Variants in HID1 observed in about 807,000 individuals in gnomAD.
HID1 encodes the protein HID1 domain containing, also known as protein HID1.
A neutral mutation model predicts 89.7 loss-of-function variants in HID1; 42 were observed. The observed-to-expected ratio is 0.47, with a 90% CI of 0.37 to 0.61. The LOEUF (loss-of-function observed/expected upper bound fraction) is 0.61, where lower values mean the gene tolerates loss of function less well. HID1 is among the 20% of genes least tolerant of loss of function. The pLI is 0.00. For missense variants in HID1, 854 were observed against 1,039.3 expected (o/e 0.82, Z 2.45); for synonymous variants, 442 against 433.8 (o/e 1.02, Z -0.24).
At chr17:74,960,715 C>G (rs1292469442) in intron 6 of HID1, among the ~76,000 whole-genome samples, 3 of 152,190 alleles carry the variant, frequency 2.0e-5, no homozygotes, top group Non-Finnish European at 4.4e-5. Flanking sequence ...CGGACTGTGG[C>G]TGGTGGAGGG....
chr17:74,968,418 G>T (rs2039594581), intron 1 of HID1, among the ~76,000 whole-genome samples: 1 of 151,738 alleles, frequency 6.6e-6, no homozygotes, highest in Non-Finnish European at 1.5e-5. Flanking sequence ...CAGAGTTGGG[G>T]TCGCATGCCT....
chr17:74,968,859 G>A (rs2144830249), intron 1 of HID1, among the ~76,000 whole-genome samples: 1 of 152,384 alleles, frequency 6.6e-6, no homozygotes, highest in South Asian at 2.1e-4. Context: ...ATCAGGCAGT[G>A]TCACCGGGGG....
Position 74,972,721 on chromosome 17 carries a change from G to C in HID1, c.-65C>G. On this transcript the variant is annotated 5_prime_UTR_variant, in exon 1 of 19. Coordinates refer to ENST00000425042, the MANE Select transcript of HID1 (RefSeq NM_030630.3). This position sits in a 1 kb window ranked among gnomAD's most constrained non-coding sequence, Gnocchi z 6.4. ...CCAACCCGGCTCCGGCTTCAGCTCC[G>C]GCTCCAGCTCCGCGGCCCCCGCGGC... 1 of 1,432,856 alleles carries C rather than the reference G, an allele frequency of 7.0e-7. No homozygotes were observed. Among genetic ancestry groups the C allele is most frequent in the Non-Finnish European group, 9.3e-7 (1 of 1,069,808 alleles). The allele number at this position is 1,432,856 out of a possible 1,614,324, so 88.8% of individuals were successfully genotyped here.
chr17:74,971,602 G>A (rs1410436109), intron 1 of HID1, among the ~76,000 whole-genome samples: 2 of 152,124 alleles, frequency 1.3e-5, no homozygotes, highest in Non-Finnish European at 2.9e-5. Context: ...GAGGTGGGGG[G>A]GCCAGGAAAG....
intron 12 of HID1, among the ~76,000 whole-genome samples, chr17:74,956,992 C>A (rs1044844290): frequency 6.6e-6 from 1 of 152,222 alleles, no homozygotes; most frequent in South Asian, 2.1e-4. Flanking sequence ...GTGGCCATTT[C>A]GTGCTTGAAA....
chr17:74,957,578 A>T (rs948768344), intron 12 of HID1, among the ~76,000 whole-genome samples: 2 of 48,294 alleles, frequency 4.1e-5, no homozygotes, highest in African/African-American at 1.6e-4. Context: ...CCTCCTTCAG[A>T]TGTCAAAAAA....
intron 13 of HID1, among the ~76,000 whole-genome samples, 177 bp downstream of exon 13, chr17:74,955,615 C>T (rs1381596013): frequency 6.6e-6 from 1 of 152,210 alleles, no homozygotes; most frequent in Non-Finnish European, 1.5e-5. Context: ...CCACTGCATC[C>T]CCTGCACCCA....
chr17:74,953,547 C>G lies in HID1; in HGVS notation c.1969G>C (p.Gly657Arg), dbSNP rs2039340024. The G allele has an allele frequency of 1.9e-6, 3 of 1,613,660 alleles. No individual in the cohort carries two copies. The South Asian group carries it at 3.3e-5, about 18-fold the overall frequency. The change falls in exon 15 of 19, where the codon GGG (glycine) becomes CGG (arginine). Residue 657 changes from glycine to arginine, a missense_variant and splice_region_variant. Physicochemically the swap from Gly to Arg is moderately radical, Grantham distance 125. Transcript: ENST00000425042. ...QSLEDGSPAK[G>R]EPSQAWREQR... ...CTCCAGGAGTCCCCGTCACCCACCC[C>G]CTTAGCCGGGCTGCCATCCTCCAAG...
chr17:74,961,761 A>T, intron 6 of HID1, 112 bp downstream of exon 6: 1 of 543,804 alleles, frequency 1.8e-6, no homozygotes, highest in African/African-American at 1.9e-5. Context: ...GTTCATCACC[A>T]CCAGGGGGCA....
rs763366114 is a variant in HID1, at chr17:74,958,631, G to A, written c.1240+42C>T. The A allele has an allele frequency of 5.9e-5, 95 of 1,598,298 alleles. 1 individual carries two copies. Among genetic ancestry groups the A allele is most frequent in the African/African-American group, 2.1e-4 (16 of 74,570 alleles). On this transcript the variant is annotated intron_variant, in intron 10 of 18. Transcript: ENST00000425042. The surrounding 1 kb of genome is among the most constrained non-coding windows in gnomAD (Gnocchi z 5.2). ...CAGATAGCCAGCCCTCCACCTCGCC[G>A]CCAGGAAAGCCCCCAGCATCCCACC...
At chr17:74,953,968 T>A (rs912497827) in intron 14 of HID1, among the ~76,000 whole-genome samples, 170 bp downstream of exon 14, 1 of 152,058 alleles carries the variant, frequency 6.6e-6, no homozygotes, top group East Asian at 1.9e-4. Flanking sequence ...AAGCTACATA[T>A]GCTAAGCCCA....
chr17:74,963,589 T>C, intron 3 of HID1, 151 bp downstream of exon 3: 1 of 729,242 alleles, frequency 1.4e-6, no homozygotes, highest in Admixed American at 2.9e-5. Flanking sequence ...GGAGGTGGCA[T>C]TGAACACCAT....
chr17:74,954,298 G>C lies in HID1; in HGVS notation c.1704C>G (p.Pro568=). 2 of 1,587,606 alleles carry C rather than the reference G, an allele frequency of 1.3e-6. No individual in the cohort carries two copies. The highest frequency in any genetic ancestry group is 1.7e-6 in the Non-Finnish European group (2 of 1,167,806). ...RSIFHQLANL[P]TDPPTIHKAL... is the part of the protein sequence containing the mutation. Reference sequence around the variant, plus strand: ...CCTTGTGAATGGTGGGCGGGTCCGTGGGCAGGTTGGCCAGCTGGTGGAAGA... The same window carrying C: ...CCTTGTGAATGGTGGGCGGGTCCGTCGGCAGGTTGGCCAGCTGGTGGAAGA... The change falls in exon 14 of 19, where the codon CCC becomes CCG. Residue 568 remains proline (P), a synonymous_variant. Coordinates refer to ENST00000425042, the MANE Select transcript of HID1 (RefSeq NM_030630.3).
rs773753810 is a variant in HID1, at chr17:74,958,752, G to T, written c.1161C>A (p.Phe387Leu). The T allele has an allele frequency of 6.2e-7, 1 of 1,611,934 alleles. No individual in the cohort carries two copies. The highest frequency in any genetic ancestry group is 8.5e-7 in the Non-Finnish European group (1 of 1,179,208). Residue 387 changes from phenylalanine to leucine, a missense_variant, in exon 10 of 19, where the codon TTC (phenylalanine) becomes TTA (leucine). Coordinates refer to ENST00000425042, the MANE Select transcript of HID1 (RefSeq NM_030630.3). The surrounding 1 kb of genome is among the most constrained non-coding windows in gnomAD (Gnocchi z 5.2). ...GGACGTCGCTGCTCTTCAGCACGAA[G>T]AAGAGGAATTTCTAGGGGTGCGGGG... ...KLCDFNKKFLFFVLKSSDVLD... is the reference protein window; with the variant it reads ...KLCDFNKKFLLFVLKSSDVLD...
chr17:74,954,073 G>A (rs2039348701), intron 14 of HID1, 65 bp downstream of exon 14: 11 of 1,442,654 alleles, frequency 7.6e-6, no homozygotes, highest in Middle Eastern at 1.7e-4. Flanking sequence ...GTGACACCCC[G>A]AGACCATGTC....
Position 74,963,061 on chromosome 17 carries a change from CTCA to C in HID1, c.405_407del (p.Asp135del), listed in dbSNP as rs759299243. Reference sequence around the variant, plus strand: ...GGGACTCGGCCAGGGGCCTGGCATGCTCATCATCCTCTTCTCCCTGCTGGGGAC... The same window carrying C: ...GGGACTCGGCCAGGGGCCTGGCATGCTCATCCTCTTCTCCCTGCTGGGGAC... On this transcript the variant is annotated inframe_deletion, in exon 4 of 19. Coordinates refer to ENST00000425042, the MANE Select transcript of HID1 (RefSeq NM_030630.3). The C allele has an allele frequency of 6.2e-7, 1 of 1,610,410 alleles. No homozygotes were observed. Among genetic ancestry groups the C allele is most frequent in the Non-Finnish European group, 8.5e-7 (1 of 1,178,162 alleles).
At position 74,958,383 on chromosome 17, in the gene HID1, G is replaced by T. The variant is rs1019560789; in HGVS notation, c.1336C>A (p.Arg446Ser). ...AAGACTGGGATGTCCATGGGCACGCGGATTGAGTAGGGTTTGTTCAGCCGC... is the reference window on the plus strand; with the variant it reads ...AAGACTGGGATGTCCATGGGCACGCTGATTGAGTAGGGTTTGTTCAGCCGC... ...GVRLNKPYSIRVPMDIPVFTG... is the reference protein window; with the variant it reads ...GVRLNKPYSISVPMDIPVFTG... The change falls in exon 11 of 19, where the codon CGC becomes AGC. Residue 446 changes from arginine (R) to serine (S), a missense_variant. By Grantham distance (110) the Arg-to-Ser change is moderately radical. Coordinates refer to ENST00000425042, the MANE Select transcript of HID1 (RefSeq NM_030630.3). This position sits in a 1 kb window ranked among gnomAD's most constrained non-coding sequence, Gnocchi z 5.2. 6.2e-7 allele frequency: 1 copy of T among 1,612,158 alleles called. No individual in the cohort carries two copies. Among genetic ancestry groups the T allele is most frequent in the Non-Finnish European group, 8.5e-7 (1 of 1,179,330 alleles).
intron 13 of HID1, among the ~76,000 whole-genome samples, chr17:74,955,305 G>A (rs1249595593): frequency 1.3e-5 from 2 of 152,176 alleles, no homozygotes. Flanking sequence ...AGCAGTTTGG[G>A]AGGCCGAGGC....
Position 74,951,593 on chromosome 17 carries a change from G to C in HID1, c.2344C>G (p.Leu782Val). ...CCTCACACCCGCTGTATCTCAAACA[G>C]CTTCACGTCGGTGTCGTACCAGACA... ...PPVWYDTDVK[L>V]FEIQRV Residue 782 changes from leucine (L) to valine (V), a missense_variant, in exon 19 of 19, where the codon CTG becomes GTG. Physicochemically the swap from Leu to Val is conservative, Grantham distance 32 (BLOSUM62 1). Transcript: ENST00000425042. 6.2e-7 allele frequency: 1 copy of C among 1,612,654 alleles called. No homozygotes were observed. The highest frequency in any genetic ancestry group is 8.5e-7 in the Non-Finnish European group (1 of 1,179,464).
Sources: allele counts gnomAD v4.1 joint callset (sites outside exome capture counted in the v4.1 genomes callset), GRCh38; gene constraint gnomAD v4.1.1; non-coding constraint Gnocchi (gnomAD v3.1); transcripts MANE v1.5; gene names NCBI Gene and HGNC (gene_info 2026-07-23, HGNC 2026-07-21).